ADGRL3: variants seen among roughly 807,000 people sequenced by gnomAD.
The protein encoded by ADGRL3 is calcium-independent alpha-latrotoxin receptor 3.
Under a neutral mutation model 153.5 loss-of-function variants are expected in ADGRL3, and 62 were observed. The ratio of observed to expected loss-of-function variants is 0.40; its 90% CI spans 0.33 to 0.50. The LOEUF (loss-of-function observed/expected upper bound fraction) is 0.50, where lower values mean the gene tolerates loss of function less well. Ranked by LOEUF, ADGRL3 falls within the 20% of genes least tolerant of loss-of-function variation. The pLI is 0.47. For missense variants in ADGRL3, 1,641 were observed against 1,859.4 expected (o/e 0.88, Z 2.16); for synonymous variants, 710 against 672.5 (o/e 1.06, Z -0.86).
intron 2 of ADGRL3, among the ~76,000 whole-genome samples, chr4:61,464,561 A>T (rs1053530105): frequency 6.6e-6 from 1 of 152,208 alleles, no homozygotes; most frequent in South Asian, 2.1e-4. Context: ...TTTTTTAATT[A>T]AAGTTTGAAA....
At chr4:61,900,691 G>A (rs1314730081) in intron 11 of ADGRL3, among the ~76,000 whole-genome samples, 3 of 152,122 alleles carry the variant, frequency 2.0e-5, no homozygotes, top group African/African-American at 7.2e-5. Context: ...AAGTCTTGAT[G>A]GATGTAGGTG....
intron 8 of ADGRL3, among the ~76,000 whole-genome samples, chr4:61,766,651 G>T (rs1020002158): frequency 4.6e-5 from 7 of 152,098 alleles, no homozygotes; most frequent in Non-Finnish European, 8.8e-5. Flanking sequence ...AGTAATGGGG[G>T]CTGTCTGTGA....
rs2099070520 is a variant in ADGRL3, at chr4:61,982,123, A to T, written c.3016-1260A>T. ...TATTCTCTTGTTAGCTTGCAATTCA[A>T]ATGCTGTGTGATTTCTTTTCATTTA... On this transcript the variant is annotated intron_variant, in intron 18 of 26. Coordinates refer to ENST00000683033, the MANE Select transcript of ADGRL3 (RefSeq NM_001387552.1). 3.3e-5 allele frequency among the ~76,000 whole-genome samples: 5 copies of T among 152,248 alleles called. No homozygotes were observed. In the South Asian group the frequency reaches 1.0e-3, roughly 32 times the overall value.
At chr4:61,558,467 A>G (rs543102376) in intron 4 of ADGRL3, among the ~76,000 whole-genome samples, 36 of 151,962 alleles carry the variant, frequency 2.4e-4, no homozygotes, top group African/African-American at 8.0e-4. Context: ...TCTTTTACCA[A>G]TACTAGAGAC....
At chr4:61,642,628 T>A (rs898003963) in intron 5 of ADGRL3, among the ~76,000 whole-genome samples, 5 of 152,166 alleles carry the variant, frequency 3.3e-5, no homozygotes, top group Admixed American at 2.0e-4. Flanking sequence ...GAGGGCTCTG[T>A]TCTGTTCCAT....
At chr4:61,263,154 C>A (rs1341291432) in intron 1 of ADGRL3, among the ~76,000 whole-genome samples, 1 of 151,846 alleles carries the variant, frequency 6.6e-6, no homozygotes, top group Non-Finnish European at 1.5e-5. Flanking sequence ...ATTGCAGAAA[C>A]AATTCATATT....
intron 1 of ADGRL3, among the ~76,000 whole-genome samples, chr4:61,313,068 A>G (rs558040404): frequency 6.6e-6 from 1 of 152,336 alleles, no homozygotes; most frequent in South Asian, 2.1e-4. Flanking sequence ...TGAAACCACA[A>G]AAAAAGACAT....
chr4:61,762,606 G>A (rs189819801), intron 8 of ADGRL3, among the ~76,000 whole-genome samples: 84 of 152,156 alleles, frequency 5.5e-4, no homozygotes, highest in African/African-American at 1.5e-3. Flanking sequence ...GGCAAATACC[G>A]TAAGTTAAAT....
intron 5 of ADGRL3, among the ~76,000 whole-genome samples, chr4:61,605,868 A>T (rs1327869267): frequency 6.6e-6 from 1 of 152,204 alleles, no homozygotes; most frequent in Non-Finnish European, 1.5e-5. Context: ...ATAAGCCTTC[A>T]TCTAAGATAT....
At chr4:61,871,136 G>T (rs1367908693) in intron 9 of ADGRL3, among the ~76,000 whole-genome samples, 1 of 152,032 alleles carries the variant, frequency 6.6e-6, no homozygotes, top group Non-Finnish European at 1.5e-5. Flanking sequence ...AAATTAGCCA[G>T]GTGTGGTGGC....
intron 1 of ADGRL3, among the ~76,000 whole-genome samples, chr4:61,344,765 A>G (rs1446276403): frequency 6.6e-6 from 1 of 151,770 alleles, no homozygotes; most frequent in Non-Finnish European, 1.5e-5. Flanking sequence ...TACTGGATTC[A>G]TTGTCTTGAA....
chr4:62,002,169 C>G (rs1380477591), intron 21 of ADGRL3, among the ~76,000 whole-genome samples: 1 of 150,824 alleles, frequency 6.6e-6, no homozygotes, highest in Admixed American at 6.7e-5. Flanking sequence ...TCTGATCATG[C>G]AACACTCTGA....
At chr4:61,390,080 C>G (rs771318002) in intron 2 of ADGRL3, among the ~76,000 whole-genome samples, 1 of 152,046 alleles carries the variant, frequency 6.6e-6, no homozygotes, top group Non-Finnish European at 1.5e-5. Context: ...GTGTGTATAG[C>G]TTTTCTCACT....
chr4:62,070,722 T>A lies in ADGRL3; in HGVS notation c.4446T>A (p.Gly1482=). 1 of 1,551,458 alleles carries A rather than the reference T, an allele frequency of 6.4e-7. No homozygotes were observed. Among genetic ancestry groups the A allele is most frequent in the Non-Finnish European group, 8.7e-7 (1 of 1,146,856 alleles). The change falls in exon 27 of 27, where the codon GGT becomes GGA. Residue 1482 remains glycine (G), a synonymous_variant. Coordinates refer to ENST00000683033, the MANE Select transcript of ADGRL3 (RefSeq NM_001387552.1). ...CCGAACCCCCACCGGCCAAATGTGG[T>A]GATGCCGAAGATGTTTACTACAAAA... ...TQTEPPPAKC[G]DAEDVYYKSM...
chr4:61,286,881 A>AGTT (rs1283397547), intron 1 of ADGRL3, among the ~76,000 whole-genome samples: 1 of 151,742 alleles, frequency 6.6e-6, no homozygotes, highest in African/African-American at 2.4e-5. Context: ...AGAGGTCACT[A>AGTT]GTTGTATATA....
intron 6 of ADGRL3, among the ~76,000 whole-genome samples, chr4:61,700,821 G>T (rs577463580): frequency 8.7e-4 from 132 of 152,322 alleles, no homozygotes; most frequent in African/African-American, 3.1e-3. Context: ...GCTCAACAGC[G>T]CTAATAGCTT....
intron 5 of ADGRL3, among the ~76,000 whole-genome samples, chr4:61,665,235 C>T (rs1035908278): frequency 2.4e-4 from 36 of 152,112 alleles, no homozygotes; most frequent in Non-Finnish European, 1.3e-4. Context: ...CATGGTGAAA[C>T]CCAGTCTCTA....
intron 6 of ADGRL3, among the ~76,000 whole-genome samples, chr4:61,706,499 C>T (rs1286176908): frequency 2.0e-5 from 3 of 151,144 alleles, no homozygotes; most frequent in Admixed American, 6.6e-5. Flanking sequence ...CATCAATTAT[C>T]TTTGCTAGAT....
chr4:61,374,317 C>T (rs562044141), intron 1 of ADGRL3, among the ~76,000 whole-genome samples: 6 of 152,264 alleles, frequency 3.9e-5, no homozygotes, highest in African/African-American at 1.4e-4. Flanking sequence ...TTTGCTTCTT[C>T]TGATTTCTCT....
Sources: allele counts gnomAD v4.1 joint callset (sites outside exome capture counted in the v4.1 genomes callset), GRCh38; gene constraint gnomAD v4.1.1; transcripts MANE v1.5; gene names NCBI Gene and HGNC (gene_info 2026-07-23, HGNC 2026-07-21).